Variants in SIGLEC6 observed in about 807,000 individuals in gnomAD.
SIGLEC6 encodes sialic acid-binding Ig-like lectin 6.
In SIGLEC6, 31 loss-of-function variants were observed where a neutral mutation model predicts 41.4. The observed-to-expected ratio is 0.75, with a 90% CI of 0.56 to 1.01. The LOEUF (loss-of-function observed/expected upper bound fraction) is 1.01. Among genes scored for constraint, SIGLEC6 ranks in the 50% least tolerant of loss-of-function variants. SIGLEC6 has a pLI of 0.00. For synonymous variants in SIGLEC6, 217 were observed against 231.0 expected (o/e 0.94, Z 0.55); for missense variants, 555 against 558.6 (o/e 0.99, Z 0.06).
At chr19:51,528,110 T>G (rs1190375725) in intron 6 of SIGLEC6, 50 bp downstream of exon 6, 1 of 1,513,856 alleles carries the variant, frequency 6.6e-7, no homozygotes, top group Admixed American at 1.7e-5. Flanking sequence ...GCCACCTGTG[T>G]GCCCTTCCCA....
chr19:51,530,471 T>C lies in SIGLEC6; in HGVS notation c.720A>G (p.Lys240=), dbSNP rs1345251393. Residue 240 remains lysine, a synonymous_variant, in exon 4 of 8, where the codon AAA becomes AAG. Coordinates refer to ENST00000425629, the MANE Select transcript of SIGLEC6 (RefSeq NM_001245.7). ...TTCCTTGGAAGATGCTGATGGCCAC[T>C]TTCTGTGGAGCATCTGGGGTGGAAA... is the stretch of plus-strand genomic sequence containing the variant. The part of the protein sequence containing the change: ...IQLNVSYAPQ[K]VAISIFQGNS... 2 of 1,614,118 alleles carry C rather than the reference T, an allele frequency of 1.2e-6. No individual in the cohort carries two copies. Among genetic ancestry groups the C allele is most frequent in the Admixed American group, 1.7e-5 (1 of 60,018 alleles).
At position 51,518,074 on chromosome 19, in the gene SIGLEC6, G is replaced by C. The variant is rs189975223; in HGVS notation, c.*2008C>G. Among the ~76,000 whole-genome samples, 4 of 152,138 alleles carry C rather than the reference G, an allele frequency of 2.6e-5. No homozygotes were observed. The highest frequency in any genetic ancestry group is 5.9e-5 in the Non-Finnish European group (4 of 68,006). On this transcript the variant is annotated 3_prime_UTR_variant, in exon 8 of 8. Coordinates refer to ENST00000425629, the MANE Select transcript of SIGLEC6 (RefSeq NM_001245.7). The stretch of plus-strand genomic sequence containing the variant: ...TTTGGATCTCAAAAATCTAATCTGG[G>C]ATCACTTTCCTAATACCTGAATTAT...
rs1990665890 is a variant in SIGLEC6 at position 51,518,248 on chromosome 19, C to G, written c.*1834G>C. Among the ~76,000 whole-genome samples, 1 of 152,180 alleles carries G rather than the reference C, an allele frequency of 6.6e-6. No homozygotes were observed. Among genetic ancestry groups the G allele is most frequent in the Admixed American group, 6.5e-5 (1 of 15,280 alleles). ...ACAACATTTATTTCTCTTAAGCCATCAAAGACATCTTTCTATTGCATTTAG... is the reference window on the plus strand; with the variant it reads ...ACAACATTTATTTCTCTTAAGCCATGAAAGACATCTTTCTATTGCATTTAG... On this transcript the variant is annotated 3_prime_UTR_variant, in exon 8 of 8. Transcript: ENST00000425629.
chr19:51,527,807 T>G lies in SIGLEC6; in HGVS notation c.1128A>C (p.Lys376Asn), dbSNP rs1358843358. Residue 376 changes from lysine (K) to asparagine (N), a missense_variant, in exon 7 of 8, where the codon AAA becomes AAC. Transcript: ENST00000425629. ...CCGTGTTTTGCACTGGCTGGGCTGCTTTCTTCCTTCTAGTCTTCACTCTGA... is the reference window on the plus strand; with the variant it reads ...CCGTGTTTTGCACTGGCTGGGCTGCGTTCTTCCTTCTAGTCTTCACTCTGA... ...FIFRVKTRRK[K>N]AAQPVQNTDD... is the part of the protein sequence containing the mutation. 8 of 1,614,050 alleles carry G rather than the reference T, an allele frequency of 5.0e-6. No individual in the cohort carries two copies. Among genetic ancestry groups the G allele is most frequent in the Non-Finnish European group, 6.8e-6 (8 of 1,180,036 alleles).
intron 6 of SIGLEC6, 22 bp downstream of exon 6, chr19:51,528,138 C>G (rs1316308000): frequency 1.2e-6 from 2 of 1,604,762 alleles, no homozygotes; most frequent in Non-Finnish European, 1.7e-6. Flanking sequence ...TCTTTCTGTG[C>G]CTCCCTGGAG....
rs1045294196 is a variant in SIGLEC6 at position 51,529,477 on chromosome 19, C to G, written c.1012+247G>C. 22 of 533,906 alleles carry G rather than the reference C, an allele frequency of 4.1e-5. No homozygotes were observed. In the East Asian group the frequency reaches 6.6e-4, roughly 16 times the overall value. 33.1% of individuals were successfully genotyped at this position (533,906 alleles called of 1,614,324 possible). A position where few individuals can be genotyped will look rare whatever the true frequency, so the allele number is the denominator to read the frequency against. ...AGGGAGCTGTTGACCAAGGGTCCGG[C>G]TGGCTGGGGGTGACTGTGAAGGAGC... On this transcript the variant is annotated intron_variant, in intron 5 of 7. Coordinates refer to ENST00000425629, the MANE Select transcript of SIGLEC6 (RefSeq NM_001245.7).
In SIGLEC6 at chr19:51,529,475, G is replaced by A. The variant is rs113045017; in HGVS notation, c.1012+249C>T. On this transcript the variant is annotated intron_variant, in intron 5 of 7. Coordinates refer to ENST00000425629, the MANE Select transcript of SIGLEC6 (RefSeq NM_001245.7). The stretch of plus-strand genomic sequence containing the variant: ...TCAGGGAGCTGTTGACCAAGGGTCC[G>A]GCTGGCTGGGGGTGACTGTGAAGGA... 6.6e-5 allele frequency: 35 copies of A among 527,894 alleles called. No homozygotes were observed. The East Asian group carries it at 9.7e-4, about 15-fold the overall frequency. 32.7% of individuals were successfully genotyped at this position (527,894 alleles called of 1,614,324 possible).
In SIGLEC6 at chr19:51,530,442, C is replaced by T; in HGVS notation, c.749G>A (p.Ser250Asn). The T allele has an allele frequency of 6.2e-7, 1 of 1,614,102 alleles. No homozygotes were observed. Among genetic ancestry groups the T allele is most frequent in the Non-Finnish European group, 8.5e-7 (1 of 1,179,956 alleles). The change falls in exon 4 of 8, where the codon AGC becomes AAC. Residue 250 changes from serine (S) to asparagine (N), a missense_variant. By Grantham distance (46) the Ser-to-Asn change is conservative. Transcript: ENST00000425629. Reference protein sequence around the residue: ...KVAISIFQGNSAAFKILQNTS... With the variant: ...KVAISIFQGNNAAFKILQNTS... ...CAGGACTGGCTGGTTCCTACCTGCG[C>T]TGTTTCCTTGGAAGATGCTGATGGC...
In SIGLEC6 at chr19:51,531,383, G is replaced by C; in HGVS notation, c.204C>G (p.Phe68Leu). 1 of 1,614,118 alleles carries C rather than the reference G, an allele frequency of 6.2e-7. No individual in the cohort carries two copies. Among genetic ancestry groups the C allele is most frequent in the Non-Finnish European group, 8.5e-7 (1 of 1,180,008 alleles). Residue 68 changes from phenylalanine (F) to leucine (L), a missense_variant, in exon 2 of 8, where the codon TTC becomes TTG. Phe to Leu is a conservative substitution (Grantham distance 22). Coordinates refer to ENST00000425629, the MANE Select transcript of SIGLEC6 (RefSeq NM_001245.7). ...CCACTGGAACATCAGCCCCTTCCAG[G>C]AACCAGTAGCCATAACCATAGTACG... ...PASYYGYGYW[F>L]LEGADVPVAT... is the part of the protein sequence containing the mutation.
In SIGLEC6 at chr19:51,519,370, T is replaced by A. The variant is rs533311962; in HGVS notation, c.*712A>T. On this transcript the variant is annotated 3_prime_UTR_variant, in exon 8 of 8. Transcript: ENST00000425629. ...CATTTACAAAAATATACAGACTTTA[T>A]GAAAACCTTTGTGTCAGGGCCTTTG... 6.6e-6 allele frequency among the ~76,000 whole-genome samples: 1 copy of A among 151,660 alleles called. No individual in the cohort carries two copies. Among genetic ancestry groups the A allele is most frequent in the Non-Finnish European group, 1.5e-5 (1 of 67,916 alleles).
intron 7 of SIGLEC6, among the ~76,000 whole-genome samples, 159 bp downstream of exon 7, chr19:51,527,588 C>T (rs888088176): frequency 4.6e-5 from 7 of 152,104 alleles, no homozygotes; most frequent in African/African-American, 1.7e-4. Flanking sequence ...TTATTGAAAT[C>T]AATACTTTTT....
chr19:51,528,007 A>G (rs1342657050), intron 6 of SIGLEC6, among the ~76,000 whole-genome samples, 153 bp downstream of exon 6: 2 of 152,198 alleles, frequency 1.3e-5, no homozygotes, highest in East Asian at 1.9e-4. Context: ...CAGCTGGTCA[A>G]CGGGGTAATT....
rs773742101 is a variant in SIGLEC6 at position 51,529,905 on chromosome 19, G to A, written c.831C>T (p.Asp277=). Residue 277 remains aspartate, a synonymous_variant, in exon 5 of 8, where the codon GAC becomes GAT. Transcript: ENST00000425629. The part of the protein sequence containing the change: ...GQALRLLCDA[D]GNPPAHLSWF... ...AGCTCAGGTGTGCAGGGGGGTTGCC[G>A]TCAGCATCACAGAGCAGCCGCAGAG... 2.5e-5 allele frequency: 41 copies of A among 1,613,912 alleles called. No individual in the cohort carries two copies. Among genetic ancestry groups the A allele is most frequent in the South Asian group, 1.4e-4 (13 of 91,062 alleles).
At chr19:51,529,381 A>C in intron 5 of SIGLEC6, 2 of 310,612 alleles carry the variant, frequency 6.4e-6, no homozygotes, top group Non-Finnish European at 1.2e-5. Flanking sequence ...CAGCTGGGAC[A>C]GAGCTGCTCT....
In SIGLEC6 at chr19:51,529,710, C is replaced by G. The variant is rs3976745; in HGVS notation, c.1012+14G>C. On this transcript the variant is annotated intron_variant, in intron 5 of 7. Coordinates refer to ENST00000425629, the MANE Select transcript of SIGLEC6 (RefSeq NM_001245.7). Reference sequence around the variant, plus strand: ...CAGCTGCCCACACTCTCGCGCACCTCCCCCCACACTCACAATGCACAAAGA... The same window carrying G: ...CAGCTGCCCACACTCTCGCGCACCTGCCCCCACACTCACAATGCACAAAGA... 1,069,062 of 1,612,920 alleles carry G rather than the reference C, an allele frequency of 0.66. 355,962 individuals carry two copies. Among genetic ancestry groups the G allele is most frequent in the Admixed American group, 0.78 (46,944 of 59,922 alleles).
At chr19:51,525,541 TTC>T (rs1191684047) in intron 7 of SIGLEC6, among the ~76,000 whole-genome samples, 1 of 151,890 alleles carries the variant, frequency 6.6e-6, no homozygotes, top group Non-Finnish European at 1.5e-5. Flanking sequence ...TTGGTGGCAG[TTC>T]TGTGTTTCTC....
chr19:51,524,080 T>C (rs893914792), intron 7 of SIGLEC6, among the ~76,000 whole-genome samples: 2 of 151,216 alleles, frequency 1.3e-5, no homozygotes, highest in African/African-American at 4.9e-5. Context: ...GGGAGATAAA[T>C]ATAAAAGGAC....
chr19:51,525,763 G>A (rs1451950396), intron 7 of SIGLEC6, among the ~76,000 whole-genome samples: 2 of 151,980 alleles, frequency 1.3e-5, no homozygotes, highest in Admixed American at 6.5e-5. Context: ...CAGGGCCCCT[G>A]GCTGGGGCCT....
At chr19:51,529,393 G>A (rs1438537708) in intron 5 of SIGLEC6, 3 of 373,804 alleles carry the variant, frequency 8.0e-6, no homozygotes, top group South Asian at 2.7e-5. Flanking sequence ...AGCTGCTCTG[G>A]GATGTTCTGG....
Sources: gnomAD v4.1 joint callset for allele counts (sites outside exome capture counted in the v4.1 genomes callset) on GRCh38, gnomAD v4.1.1 for gene constraint, MANE v1.5 for transcripts, NCBI Gene and HGNC (gene_info 2026-07-23, HGNC 2026-07-21) for gene names.